The following KCNMA1 variants were observed in gnomAD, a reference collection of about 807,000 sequenced individuals.
The protein encoded by KCNMA1 is Calcium-activated potassium channel subunit alpha-1.
Under a neutral mutation model 140.0 loss-of-function variants are expected in KCNMA1, and 29 were observed. The ratio of observed to expected loss-of-function variants is 0.21; its 90% CI spans 0.15 to 0.28. KCNMA1 has a LOEUF of 0.28. Among genes scored for constraint, KCNMA1 ranks in the 10% least tolerant of loss-of-function variants. The probability of loss-of-function intolerance (pLI) is 1.00; values close to 1 mark genes in which losing one functional copy is unlikely to be tolerated. For synonymous variants in KCNMA1, 612 were observed against 611.9 expected, an observed-to-expected ratio of 1.00 and a Z score of 0.00; for missense variants, 880 against 1,602.2, an observed-to-expected ratio of 0.55 and a Z score of 7.70.
intron 1 of KCNMA1, among the ~76,000 whole-genome samples, chr10:77,500,258 A>G (rs1424469015): frequency 6.6e-6 from 1 of 150,698 alleles, no homozygotes; most frequent in African/African-American, 2.4e-5. Flanking sequence ...ATGCAATAAT[A>G]TATAATAAAT....
At chr10:77,132,996 A>C (rs1330284870) in intron 5 of KCNMA1, among the ~76,000 whole-genome samples, 1 of 152,132 alleles carries the variant, frequency 6.6e-6, no homozygotes, top group Non-Finnish European at 1.5e-5. Flanking sequence ...TGGAGGTGTG[A>C]AGGAGAGAGG....
At chr10:77,619,332 C>G (rs2090637098) in intron 1 of KCNMA1, among the ~76,000 whole-genome samples, 1 of 148,658 alleles carries the variant, frequency 6.7e-6, no homozygotes, top group African/African-American at 2.5e-5. Context: ...CTCTCTCTCT[C>G]TCTCTCTCTC....
At chr10:76,950,114 A>G (rs1057289346) in intron 21 of KCNMA1, among the ~76,000 whole-genome samples, 9 of 152,232 alleles carry the variant, frequency 5.9e-5, no homozygotes, top group Non-Finnish European at 1.0e-4. Context: ...GGTATTGCCT[A>G]TGGGTGCTTT....
rs184450416 is a variant in KCNMA1 at position 77,156,964 on chromosome 10, C to A, written c.808+26457G>T. On this transcript the variant is annotated intron_variant, in intron 5 of 27. Coordinates refer to ENST00000286628, the MANE Select transcript of KCNMA1 (RefSeq NM_001161352.2). ...TCCTGAAAAACTCCTAACCTCCTAG[C>A]CTTTGGGGAGACTGATTTGAAGGAT... Among the ~76,000 whole-genome samples the A allele has an allele frequency of 7.4e-4, 112 of 152,240 alleles. No individual in the cohort carries two copies. In the East Asian group the frequency reaches 8.9e-3, roughly 12 times the overall value.
chr10:77,588,589 A>G (rs2077993094), intron 1 of KCNMA1, among the ~76,000 whole-genome samples: 2 of 152,346 alleles, frequency 1.3e-5, no homozygotes, highest in South Asian at 4.1e-4. Flanking sequence ...CTAGGCCTGG[A>G]TTGAAACCAT....
chr10:77,181,958 T>C (rs745517383), intron 5 of KCNMA1, among the ~76,000 whole-genome samples: 32 of 152,164 alleles, frequency 2.1e-4, no homozygotes, highest in Non-Finnish European at 3.8e-4. Flanking sequence ...GCATATAATA[T>C]AGAGATTACC....
At chr10:77,178,940 A>G (rs1451200300) in intron 5 of KCNMA1, among the ~76,000 whole-genome samples, 2 of 152,202 alleles carry the variant, frequency 1.3e-5, no homozygotes, top group Admixed American at 1.3e-4. Flanking sequence ...GGGGACAGGA[A>G]TTAAAATAAG....
At position 76,938,561 on chromosome 10, in the gene KCNMA1, G is replaced by C. The variant is rs182393236; in HGVS notation, c.2902+6212C>G. On this transcript the variant is annotated intron_variant, in intron 23 of 27. Transcript: ENST00000286628. ...GCCAGATCCATCTCCCTAAAGCTCA[G>C]GTCCAATCCCATCACTCTCTTGCTT... 5.6e-4 allele frequency among the ~76,000 whole-genome samples: 85 copies of C among 152,228 alleles called. 1 individual carries two copies. The highest frequency in any genetic ancestry group is 7.2e-4 in the Admixed American group (11 of 15,298).
downstream of KCNMA1, chr10:76,883,894 A>G (rs2035707876): frequency 4.1e-6 from 2 of 490,240 alleles, no homozygotes; most frequent in Non-Finnish European, 5.3e-6. Flanking sequence ...GGAAAGTATA[A>G]TATAGTAATT....
At chr10:77,001,307 A>C in intron 19 of KCNMA1, 100 bp downstream of exon 19, 1 of 1,100,214 alleles carries the variant, frequency 9.1e-7, no homozygotes, top group Non-Finnish European at 1.4e-6. Context: ...GGAAGAAGAC[A>C]TCAGCCCGAC....
intron 3 of KCNMA1, chr10:77,250,689 G>C (rs1019377727): frequency 5.6e-6 from 1 of 179,086 alleles, no homozygotes; most frequent in Non-Finnish European, 1.2e-5. Flanking sequence ...AGAAGCACCA[G>C]CGTGCAATGC....
At chr10:77,179,374 C>T (rs1467462278) in intron 5 of KCNMA1, among the ~76,000 whole-genome samples, 1 of 152,144 alleles carries the variant, frequency 6.6e-6, no homozygotes, top group Non-Finnish European at 1.5e-5. Context: ...CTCCAAGCTG[C>T]TGAGGGGCAC....
At chr10:77,625,359 C>A (rs533346777) in intron 1 of KCNMA1, among the ~76,000 whole-genome samples, 6 of 151,992 alleles carry the variant, frequency 3.9e-5, no homozygotes, top group African/African-American at 1.2e-4. Context: ...CCAGCCTGGG[C>A]GACAGAGCGA....
chr10:77,571,841 C>T (rs1170083278), intron 1 of KCNMA1, among the ~76,000 whole-genome samples: 1 of 152,210 alleles, frequency 6.6e-6, no homozygotes, highest in Non-Finnish European at 1.5e-5. Context: ...AAGCTAGATA[C>T]ACCTTTCTTT....
intron 1 of KCNMA1, among the ~76,000 whole-genome samples, chr10:77,506,283 A>T (rs2045780238): frequency 6.6e-6 from 1 of 152,104 alleles, no homozygotes; most frequent in African/African-American, 2.4e-5. Context: ...TTCTTCCAGC[A>T]TCTCCCCACT....
chr10:76,945,806 TAAA>T (rs34276840), intron 22 of KCNMA1, among the ~76,000 whole-genome samples: 2 of 149,704 alleles, frequency 1.3e-5, no homozygotes, highest in African/African-American at 4.9e-5. Context: ...TTCATTTATG[TAAA>T]AAAAAAAACC....
chr10:77,584,040 C>T (rs1310224070), intron 1 of KCNMA1, among the ~76,000 whole-genome samples: 1 of 152,240 alleles, frequency 6.6e-6, no homozygotes, highest in Non-Finnish European at 1.5e-5. Context: ...TTTCATATGT[C>T]ATGCTTTATC....
chr10:77,210,088 G>A (rs2045552295), intron 3 of KCNMA1, among the ~76,000 whole-genome samples: 1 of 152,022 alleles, frequency 6.6e-6, no homozygotes, highest in African/African-American at 2.4e-5. Context: ...CTTTATACCA[G>A]AAGATGGCAG....
Position 77,189,751 on chromosome 10 carries a change from C to T in KCNMA1, c.603-4835G>A, listed in dbSNP as rs187478615. Among the ~76,000 whole-genome samples, 256 of 152,238 alleles carry T rather than the reference C, an allele frequency of 1.7e-3. No individual in the cohort carries two copies. In the Middle Eastern group the frequency reaches 0.02, roughly 12 times the overall value. On this transcript the variant is annotated intron_variant, in intron 3 of 27. Transcript: ENST00000286628. Reference sequence around the variant, plus strand: ...AATTGAATGGGGCCCTCTCAATTCCCACCAGGATTATGGACAGGCAGAGTT... The same window carrying T: ...AATTGAATGGGGCCCTCTCAATTCCTACCAGGATTATGGACAGGCAGAGTT...
Sources: gnomAD v4.1 joint callset for allele counts (sites outside exome capture counted in the v4.1 genomes callset) on GRCh38, gnomAD v4.1.1 for gene constraint, MANE v1.5 for transcripts, NCBI Gene and HGNC (gene_info 2026-07-23, HGNC 2026-07-21) for gene names.